OLA1: variants seen among roughly 807,000 people sequenced by gnomAD.
OLA1 encodes the protein Obg like ATPase 1.
Under a neutral mutation model 48.4 loss-of-function variants are expected in OLA1, and 14 were observed. The observed-to-expected ratio is 0.29, with a 90% CI of 0.19 to 0.45. The LOEUF (loss-of-function observed/expected upper bound fraction) is 0.45, where lower values mean the gene tolerates loss of function less well. Ranked by LOEUF, OLA1 falls within the 20% of genes least tolerant of loss-of-function variation. The pLI, the probability that OLA1 is intolerant of heterozygous loss-of-function variation, is 1.00. For missense variants in OLA1, 325 were observed against 467.1 expected (o/e 0.70, Z 2.80); for synonymous variants, 127 against 150.4 (o/e 0.84, Z 1.14).
intron 9 of OLA1, among the ~76,000 whole-genome samples, chr2:174,079,620 A>G (rs1684817521): frequency 6.6e-6 from 1 of 151,970 alleles, no homozygotes; most frequent in South Asian, 2.1e-4. Flanking sequence ...AACATTTTGC[A>G]TAATATTCCC....
intron 7 of OLA1, among the ~76,000 whole-genome samples, chr2:174,093,263 A>G (rs1432693308): frequency 6.6e-6 from 1 of 152,218 alleles, no homozygotes; most frequent in Non-Finnish European, 1.5e-5. Flanking sequence ...CCTGAGCAAC[A>G]TAGTGAGACC....
intron 4 of OLA1, among the ~76,000 whole-genome samples, chr2:174,213,951 AT>A (rs1463819582): frequency 2.6e-5 from 4 of 152,116 alleles, no homozygotes; most frequent in African/African-American, 9.6e-5. Flanking sequence ...TATTACCATA[AT>A]TTTTTTAAAT....
chr2:174,244,174 C>A (rs1166402232), intron 2 of OLA1, among the ~76,000 whole-genome samples: 1 of 152,160 alleles, frequency 6.6e-6, no homozygotes, highest in African/African-American at 2.4e-5. Context: ...CTGAAAACAG[C>A]CAGAATTGTG....
chr2:174,123,291 T>A lies in OLA1; in HGVS notation c.631-14A>T, dbSNP rs1295967274. On this transcript the variant is annotated splice_polypyrimidine_tract_variant and intron_variant, in intron 6 of 10. Transcript: ENST00000284719. Reference sequence around the variant, plus strand: ...CAACACTTCAATCTAAAGTGGGAGATGGAGAAAGAATCCCTTTTAAAAGTT... The same window carrying A: ...CAACACTTCAATCTAAAGTGGGAGAAGGAGAAAGAATCCCTTTTAAAAGTT... The A allele has an allele frequency of 7.9e-7, 1 of 1,259,600 alleles. No individual in the cohort carries two copies. The highest frequency in any genetic ancestry group is 1.1e-6 in the Non-Finnish European group (1 of 893,230). The allele number at this position is 1,259,600 out of a possible 1,614,324, so 78.0% of individuals were successfully genotyped here. A position where few individuals can be genotyped will look rare whatever the true frequency, so the allele number is the denominator to read the frequency against.
At chr2:174,134,392 G>A (rs1035293710) in intron 5 of OLA1, among the ~76,000 whole-genome samples, 2 of 152,158 alleles carry the variant, frequency 1.3e-5, no homozygotes, top group Non-Finnish European at 2.9e-5. Flanking sequence ...ATAAATCTGG[G>A]TATTAAGCAT....
At chr2:174,095,111 T>C (rs967368483) in intron 7 of OLA1, among the ~76,000 whole-genome samples, 33 of 152,190 alleles carry the variant, frequency 2.2e-4, no homozygotes, top group Middle Eastern at 3.2e-3. Context: ...GTAATGAACA[T>C]GGGTGTGCAA....
chr2:174,091,199 ATACTCAT>A (rs1685104629), intron 7 of OLA1, among the ~76,000 whole-genome samples: 2 of 152,342 alleles, frequency 1.3e-5, no homozygotes, highest in East Asian at 3.9e-4. Flanking sequence ...TAGCTTTAAT[ATACTCAT>A]CTGCAAACTG....
At chr2:174,232,256 TG>T (rs1343724364) in intron 2 of OLA1, among the ~76,000 whole-genome samples, 16 of 152,340 alleles carry the variant, frequency 1.1e-4, no homozygotes, top group African/African-American at 2.9e-4. Context: ...CAGCATGTAA[TG>T]GGAAGTAGGG....
chr2:174,225,837 G>A (rs1688604442), intron 3 of OLA1, among the ~76,000 whole-genome samples: 1 of 152,024 alleles, frequency 6.6e-6, no homozygotes, highest in Non-Finnish European at 1.5e-5. Context: ...TAGGCTTCAC[G>A]TTTCTTTTTA....
At chr2:174,103,141 T>G (rs566250056) in intron 7 of OLA1, among the ~76,000 whole-genome samples, 7 of 152,068 alleles carry the variant, frequency 4.6e-5, no homozygotes, top group Admixed American at 2.6e-4. Context: ...GAGAGAGAGA[T>G]GAACTACTTC....
At chr2:174,182,539 A>C (rs1687572652) in intron 4 of OLA1, among the ~76,000 whole-genome samples, 1 of 152,174 alleles carries the variant, frequency 6.6e-6, no homozygotes. Context: ...AAAAAATAAA[A>C]ATAAAAATAA....
chr2:174,126,652 G>A (rs948097712), intron 5 of OLA1, among the ~76,000 whole-genome samples: 1 of 152,180 alleles, frequency 6.6e-6, no homozygotes, highest in Admixed American at 6.5e-5. Flanking sequence ...TGCAGAGGAT[G>A]AGATCTACCT....
chr2:174,246,885 A>G, intron 1 of OLA1, 70 bp from the exon 2 acceptor site: 1 of 828,460 alleles, frequency 1.2e-6, no homozygotes, highest in Admixed American at 2.2e-5. Flanking sequence ...ACATTTCATC[A>G]CATACAATAT....
intron 2 of OLA1, among the ~76,000 whole-genome samples, chr2:174,246,087 G>A (rs1034049826): frequency 6.6e-6 from 1 of 151,572 alleles, no homozygotes; most frequent in Non-Finnish European, 1.5e-5. Flanking sequence ...ATCATATGAG[G>A]TCAGGGGTTC....
At chr2:174,087,031 CT>C (rs374845811) in intron 7 of OLA1, among the ~76,000 whole-genome samples, 312 of 141,942 alleles carry the variant, frequency 2.2e-3, no homozygotes, top group Admixed American at 2.3e-3. Flanking sequence ...TTCTTTTTTT[CT>C]TTTTTTTTTT....
At chr2:174,078,395 C>T (rs1246482424) in intron 10 of OLA1, among the ~76,000 whole-genome samples, 6 of 151,926 alleles carry the variant, frequency 3.9e-5, no homozygotes, top group African/African-American at 7.2e-5. Context: ...AAGTCATCTA[C>T]TACTCATGTA....
chr2:174,232,324 C>A (rs1022720494), intron 2 of OLA1, among the ~76,000 whole-genome samples: 1 of 152,052 alleles, frequency 6.6e-6, no homozygotes, highest in African/African-American at 2.4e-5. Context: ...TAATATCCAT[C>A]CAAAACATGG....
At chr2:174,193,127 TTGCCCAGG>T (rs2105425071) in intron 4 of OLA1, among the ~76,000 whole-genome samples, 2 of 150,994 alleles carry the variant, frequency 1.3e-5, no homozygotes, top group Non-Finnish European at 2.9e-5. Flanking sequence ...TCTCGCTCTG[TTGCCCAGG>T]CTGGAGTGCA....
At chr2:174,161,713 CACAT>C (rs1400992173) in intron 4 of OLA1, among the ~76,000 whole-genome samples, 8 of 135,244 alleles carry the variant, frequency 5.9e-5, no homozygotes, top group South Asian at 2.4e-4. Context: ...CACACACACA[CACAT>C]AGATAGATAG....
Sources: gnomAD v4.1 joint callset for allele counts (sites outside exome capture counted in the v4.1 genomes callset) on GRCh38, gnomAD v4.1.1 for gene constraint, MANE v1.5 for transcripts, NCBI Gene and HGNC (gene_info 2026-07-23, HGNC 2026-07-21) for gene names.